Variants in C6orf118 observed in about 807,000 individuals in gnomAD.
The protein encoded by C6orf118 is uncharacterized protein C6orf118.
Under a neutral mutation model 50.2 loss-of-function variants are expected in C6orf118, and 50 were observed. That is an observed-to-expected ratio of 1.00 (90% CI 0.79 to 1.26). The LOEUF (loss-of-function observed/expected upper bound fraction) is 1.26, where lower values mean the gene tolerates loss of function less well. C6orf118 is among the 50% of genes most tolerant of loss of function. C6orf118 has a pLI of 0.00. For synonymous variants in C6orf118, 239 were observed against 230.9 expected (o/e 1.03, Z -0.32); for missense variants, 641 against 578.7 (o/e 1.11, Z -1.10).
chr6:165,288,873 C>T (rs1325030210), intron 7 of C6orf118, among the ~76,000 whole-genome samples: 1 of 152,060 alleles, frequency 6.6e-6, no homozygotes, highest in Non-Finnish European at 1.5e-5. Flanking sequence ...TGCAGCAAAT[C>T]ACCATCGCAT....
At chr6:165,281,737 T>A in intron 7 of C6orf118, 44 bp from the exon 8 acceptor site, 1 of 1,235,022 alleles carries the variant, frequency 8.1e-7, no homozygotes, top group South Asian at 1.6e-5. Context: ...TGGTTAAAAA[T>A]ATTTGTTAAT....
At chr6:165,287,363 C>T (rs1779946379) in intron 7 of C6orf118, among the ~76,000 whole-genome samples, 1 of 151,932 alleles carries the variant, frequency 6.6e-6, no homozygotes, top group African/African-American at 2.4e-5. Flanking sequence ...CCCAAAGTAG[C>T]TTATACATTC....
Position 165,302,271 on chromosome 6 carries a change from C to G in C6orf118, c.51G>C (p.Glu17Asp). The part of the protein sequence containing the change: ...PELYLKWKHC[E>D]TPGVKTLCNL... ...TACACAGGGTCTTCACGCCTGGCGTCTCGCAGTGCTTCCACTTCAGGTACA... is the reference window on the plus strand; with the variant it reads ...TACACAGGGTCTTCACGCCTGGCGTGTCGCAGTGCTTCCACTTCAGGTACA... The change falls in exon 2 of 9, where the codon GAG (glutamate) becomes GAC (aspartate). Residue 17 changes from glutamate to aspartate, a missense_variant. Physicochemically the swap from Glu to Asp is conservative, Grantham distance 45 (BLOSUM62 2). Transcript: ENST00000230301. The G allele has an allele frequency of 1.2e-6, 2 of 1,613,646 alleles. No individual in the cohort carries two copies. Among genetic ancestry groups the G allele is most frequent in the African/African-American group, 1.3e-5 (1 of 75,062 alleles).
Position 165,301,692 on chromosome 6 carries a change from G to A in C6orf118, c.630C>T (p.Thr210=), listed in dbSNP as rs1413171623. ...HYVSSYLAGA[T]SADRYRMFLR... The stretch of plus-strand genomic sequence containing the variant: ...GGAACATCCTGTACCTGTCTGCGCT[G>A]GTGGCTCCGGCCAGGTAGGAGCTGA... The change falls in exon 2 of 9, where the codon ACC becomes ACT. Residue 210 remains threonine (T), a synonymous_variant. Coordinates refer to ENST00000230301, the MANE Select transcript of C6orf118 (RefSeq NM_144980.4). 1 of 1,614,074 alleles carries A rather than the reference G, an allele frequency of 6.2e-7. No individual in the cohort carries two copies. Among genetic ancestry groups the A allele is most frequent in the African/African-American group, 1.3e-5 (1 of 74,922 alleles).
Position 165,289,869 on chromosome 6 carries a change from A to G in C6orf118, c.1302+17T>C, listed in dbSNP as rs1296613404. ...GCAAAAGAATAATGTAAATATTTAA[A>G]TAAATAAGTTGCGTACCTCTATGCT... is the stretch of plus-strand genomic sequence containing the variant. On this transcript the variant is annotated intron_variant, in intron 7 of 8. Transcript: ENST00000230301. 1.3e-6 allele frequency: 2 copies of G among 1,516,140 alleles called. No individual in the cohort carries two copies. Among genetic ancestry groups the G allele is most frequent in the African/African-American group, 2.8e-5 (2 of 71,354 alleles). The allele number at this position is 1,516,140 out of a possible 1,614,324, so 93.9% of individuals were successfully genotyped here.
intron 6 of C6orf118, 33 bp from the exon 7 acceptor site, chr6:165,290,100 T>C (rs746784951): frequency 2.2e-5 from 30 of 1,334,522 alleles, no homozygotes; most frequent in Non-Finnish European, 1.6e-5. Flanking sequence ...AGTATTACCA[T>C]GTTTAATATC....
intron 7 of C6orf118, among the ~76,000 whole-genome samples, chr6:165,289,473 G>A (rs1780030960): frequency 6.6e-6 from 1 of 152,088 alleles, no homozygotes; most frequent in Non-Finnish European, 1.5e-5. Context: ...GGGTATGAGT[G>A]CAGTTGTATT....
chr6:165,286,321 G>A (rs9457059), intron 7 of C6orf118, among the ~76,000 whole-genome samples: 69,714 of 151,878 alleles, frequency 0.46, 17,639 homozygotes, highest in African/African-American at 0.68. Context: ...CCCAGGACCA[G>A]ATGGATTTAC....
rs1780565163 is a variant in C6orf118, at chr6:165,301,970, G to A, written c.352C>T (p.Leu118=). 1 of 1,613,720 alleles carries A rather than the reference G, an allele frequency of 6.2e-7. No individual in the cohort carries two copies. The highest frequency in any genetic ancestry group is 1.7e-5 in the Admixed American group (1 of 60,010). The part of the protein sequence containing the change: ...ALAHFTIHTA[L]VPSEAQDTPL... ...GTGTCCTGGGCCTCACTGGGGACCAGGGCCGTGTGGATGGTGAAGTGGGCC... is the reference window on the plus strand; with the variant it reads ...GTGTCCTGGGCCTCACTGGGGACCAAGGCCGTGTGGATGGTGAAGTGGGCC... The change falls in exon 2 of 9, where the codon CTG becomes TTG. Residue 118 remains leucine (L), a synonymous_variant. Transcript: ENST00000230301.
rs1341695764 is a variant in C6orf118 at position 165,306,541 on chromosome 6, A to G, written c.25+3021T>C. Among the ~76,000 whole-genome samples, 3 of 119,800 alleles carry G rather than the reference A, an allele frequency of 2.5e-5. No homozygotes were observed. In the East Asian group the frequency reaches 6.1e-4, roughly 24 times the overall value. The allele number at this position is 119,800 out of a possible 152,430, so 78.6% of individuals were successfully genotyped here. On this transcript the variant is annotated intron_variant, in intron 1 of 8. Transcript: ENST00000230301. Reference sequence around the variant, plus strand: ...TGGAATTTCTAGGTGAATGCAAAAAAAAAAAAAAAAAAAAAAAAAAGAAAT... The same window carrying G: ...TGGAATTTCTAGGTGAATGCAAAAAGAAAAAAAAAAAAAAAAAAAAGAAAT...
At chr6:165,308,780 A>G (rs934109476) in intron 1 of C6orf118, among the ~76,000 whole-genome samples, 1 of 152,210 alleles carries the variant, frequency 6.6e-6, no homozygotes. Context: ...AGGTGGTCAG[A>G]TGGTCAGCTG....
intron 6 of C6orf118, among the ~76,000 whole-genome samples, chr6:165,291,036 T>C (rs971086732): frequency 3.9e-5 from 6 of 152,098 alleles, no homozygotes; most frequent in African/African-American, 1.4e-4. Flanking sequence ...TGGTGAAACT[T>C]ATTCACTACC....
At chr6:165,301,141 A>G (rs1168370759) in intron 2 of C6orf118, among the ~76,000 whole-genome samples, 1 of 151,954 alleles carries the variant, frequency 6.6e-6, no homozygotes, top group East Asian at 1.9e-4. Flanking sequence ...CATTTCACCC[A>G]AACTGTCCCC....
rs574230516 is a variant in C6orf118, at chr6:165,288,490, T to C, written c.1302+1396A>G. 3.3e-5 allele frequency among the ~76,000 whole-genome samples: 5 copies of C among 152,248 alleles called. No homozygotes were observed. In the East Asian group the frequency reaches 5.8e-4, roughly 18 times the overall value. On this transcript the variant is annotated intron_variant, in intron 7 of 8. Coordinates refer to ENST00000230301, the MANE Select transcript of C6orf118 (RefSeq NM_144980.4). The stretch of plus-strand genomic sequence containing the variant: ...TTATAAAGATACATGCACATATATG[T>C]CCATTGCAGAACTATTCACAATAGC...
chr6:165,309,209 A>G (rs1780851581), intron 1 of C6orf118, among the ~76,000 whole-genome samples: 2 of 152,222 alleles, frequency 1.3e-5, no homozygotes, highest in Admixed American at 1.3e-4. Context: ...GCTTTTTAAA[A>G]TCACCCTCTG....
At chr6:165,292,797 G>A (rs925514021) in intron 6 of C6orf118, among the ~76,000 whole-genome samples, 4 of 152,158 alleles carry the variant, frequency 2.6e-5, no homozygotes, top group South Asian at 4.1e-4. Context: ...AACAGCACCC[G>A]TGCTGCTCAT....
At chr6:165,308,770 A>G (rs2128166412) in intron 1 of C6orf118, among the ~76,000 whole-genome samples, 1 of 152,364 alleles carries the variant, frequency 6.6e-6, no homozygotes. Flanking sequence ...ACTGAGGTTC[A>G]GGTGGTCAGA....
intron 2 of C6orf118, 37 bp downstream of exon 2, chr6:165,301,532 C>A (rs1264041767): frequency 2.5e-6 from 4 of 1,576,014 alleles, no homozygotes; most frequent in Non-Finnish European, 3.4e-6. Flanking sequence ...GCCCTGAGAG[C>A]TCTTCCCTGA....
At position 165,301,681 on chromosome 6, in the gene C6orf118, C is replaced by T; in HGVS notation, c.641G>A (p.Arg214Lys). 1.9e-6 allele frequency: 3 copies of T among 1,614,192 alleles called. No individual in the cohort carries two copies. Among genetic ancestry groups the T allele is most frequent in the Middle Eastern group, 3.3e-4 (2 of 6,062 alleles). The change falls in exon 2 of 9, where the codon AGG becomes AAG. Residue 214 changes from arginine (R) to lysine (K), a missense_variant. By Grantham distance (26) the Arg-to-Lys change is conservative (BLOSUM62 2). Transcript: ENST00000230301. ...CTGGAAACGCAGGAACATCCTGTAC[C>T]TGTCTGCGCTGGTGGCTCCGGCCAG... ...SYLAGATSAD[R>K]YRMFLRFQKE...
Sources: gnomAD v4.1 joint callset for allele counts (sites outside exome capture counted in the v4.1 genomes callset) on GRCh38, gnomAD v4.1.1 for gene constraint, MANE v1.5 for transcripts, NCBI Gene and HGNC (gene_info 2026-07-23, HGNC 2026-07-21) for gene names.